The following PPFIA2 variants were observed in gnomAD, a reference collection of about 807,000 sequenced individuals.
The protein encoded by PPFIA2 is liprin-alpha-2.
In PPFIA2, 46 loss-of-function variants were observed where a neutral mutation model predicts 175.5. That is an observed-to-expected ratio of 0.26 (90% CI 0.21 to 0.34). The LOEUF (loss-of-function observed/expected upper bound fraction) is 0.34, where lower values mean the gene tolerates loss of function less well. PPFIA2 is among the 10% of genes least tolerant of loss of function. PPFIA2 has a pLI of 1.00. For missense variants in PPFIA2, 1,179 were observed against 1,506.1 expected (o/e 0.78, Z 3.60); for synonymous variants, 568 against 511.4 (o/e 1.11, Z -1.49).
chr12:81,573,766 C>G (rs2073005511), intron 4 of PPFIA2, among the ~76,000 whole-genome samples: 1 of 151,890 alleles, frequency 6.6e-6, no homozygotes, highest in African/African-American at 2.4e-5. Context: ...TCCTGTAGAA[C>G]AGCAGTTAAT....
intron 4 of PPFIA2, among the ~76,000 whole-genome samples, chr12:81,557,908 T>C (rs1027866335): frequency 3.3e-5 from 5 of 152,102 alleles, no homozygotes; most frequent in African/African-American, 1.2e-4. Context: ...TCTAATACCA[T>C]CTGAGACTCA....
intron 4 of PPFIA2, among the ~76,000 whole-genome samples, chr12:81,541,573 T>A (rs1183439093): frequency 6.6e-5 from 10 of 152,064 alleles, no homozygotes; most frequent in Admixed American, 6.6e-4. Context: ...TCTCTTCTTT[T>A]GTTGAAAAAT....
intron 11 of PPFIA2, 36 bp from the exon 12 acceptor site, chr12:81,369,230 A>G: frequency 6.3e-7 from 1 of 1,592,336 alleles, no homozygotes; most frequent in Non-Finnish European, 8.6e-7. Context: ...CTGAAATGTA[A>G]GATTTGGTTA....
chr12:81,434,482 T>C, intron 7 of PPFIA2, among the ~76,000 whole-genome samples: 1 of 152,074 alleles, frequency 6.6e-6, no homozygotes, highest in East Asian at 1.9e-4. Flanking sequence ...ATTGTAATTT[T>C]AATACATATG....
At chr12:81,334,234 C>G (rs2056689037) in intron 21 of PPFIA2, among the ~76,000 whole-genome samples, 1 of 152,150 alleles carries the variant, frequency 6.6e-6, no homozygotes, top group African/African-American at 2.4e-5. Context: ...TCTGACAGGA[C>G]AGACAATGTA....
Position 81,263,363 on chromosome 12 carries a change from A to T in PPFIA2, c.3583T>A (p.Ser1195Thr). 1 of 1,613,478 alleles carries T rather than the reference A, an allele frequency of 6.2e-7. No homozygotes were observed. The highest frequency in any genetic ancestry group is 1.1e-5 in the South Asian group (1 of 91,046). The stretch of plus-strand genomic sequence containing the variant: ...GGAGGAAACTGCCTTCTCCAGGTTG[A>T]TCCACGTCTGAAGTTCTTGTCATCA... The part of the protein sequence containing the change: ...ESDDKNFRRG[S>T]TWRRQFPPRE... Residue 1195 changes from serine (S) to threonine (T), a missense_variant, in exon 31 of 33, where the codon TCA (serine) becomes ACA (threonine). By Grantham distance (58) the Ser-to-Thr change is moderately conservative (BLOSUM62 1). Coordinates refer to ENST00000549396, the MANE Select transcript of PPFIA2 (RefSeq NM_003625.5).
intron 7 of PPFIA2, among the ~76,000 whole-genome samples, chr12:81,434,330 A>G (rs1189230937): frequency 6.6e-6 from 1 of 152,156 alleles, no homozygotes; most frequent in Non-Finnish European, 1.5e-5. Context: ...AGATGAGAAC[A>G]TATTACAAAA....
chr12:81,679,609 T>C (rs1040346209), intron 3 of PPFIA2, among the ~76,000 whole-genome samples: 4 of 151,978 alleles, frequency 2.6e-5, no homozygotes, highest in African/African-American at 7.2e-5. Flanking sequence ...TTTTAACACA[T>C]TGAATTCAAA....
chr12:81,263,398 T>C lies in PPFIA2; in HGVS notation c.3556-8A>G. On this transcript the variant is annotated splice_polypyrimidine_tract_variant and splice_region_variant and intron_variant, in intron 30 of 32. Coordinates refer to ENST00000549396, the MANE Select transcript of PPFIA2 (RefSeq NM_003625.5). ...GAAGTTCTTGTCATCACTCTGCCAG[T>C]ACAGTTATAAGGTGATGTTATGAAA... The C allele has an allele frequency of 6.2e-7, 1 of 1,611,358 alleles. No homozygotes were observed. The highest frequency in any genetic ancestry group is 8.5e-7 in the Non-Finnish European group (1 of 1,177,638).
In PPFIA2 at chr12:81,675,144, G is replaced by GA. The variant is rs201846437; in HGVS notation, c.303+1646dup. The stretch of plus-strand genomic sequence containing the variant: ...CACAATATTATAAGTTGTTTTAAAA[G>GA]AAAAAAATCTATCTATCTAAGTATA... On this transcript the variant is annotated intron_variant, in intron 4 of 32. Transcript: ENST00000549396. Among the ~76,000 whole-genome samples, 939 of 134,710 alleles carry GA rather than the reference G, an allele frequency of 7.0e-3. 32 individuals carry two copies. The East Asian group carries it at 0.091, about 13-fold the overall frequency. The allele number at this position is 134,710 out of a possible 152,430, so 88.4% of individuals were successfully genotyped here. A position where few individuals can be genotyped will look rare whatever the true frequency, so the allele number is the denominator to read the frequency against.
chr12:81,325,659 G>A lies in PPFIA2; in HGVS notation c.2642+118C>T, dbSNP rs181670408. 9 of 679,978 alleles carry A rather than the reference G, an allele frequency of 1.3e-5. No individual in the cohort carries two copies. The East Asian group carries it at 2.5e-4, about 19-fold the overall frequency. The allele number at this position is 679,978 out of a possible 1,614,324, so 42.1% of individuals were successfully genotyped here. A position where few individuals can be genotyped will look rare whatever the true frequency, so the allele number is the denominator to read the frequency against. On this transcript the variant is annotated intron_variant, in intron 22 of 32. Coordinates refer to ENST00000549396, the MANE Select transcript of PPFIA2 (RefSeq NM_003625.5). Reference sequence around the variant, plus strand: ...CCCTGAGTGTTTTAGGTAGTATCTGGAAAATATTGGCTTCAATATAGTTCT... The same window carrying A: ...CCCTGAGTGTTTTAGGTAGTATCTGAAAAATATTGGCTTCAATATAGTTCT...
intron 4 of PPFIA2, among the ~76,000 whole-genome samples, chr12:81,519,094 T>A (rs74106621): frequency 0.036 from 5,409 of 152,250 alleles, 340 homozygotes; most frequent in African/African-American, 0.12. Flanking sequence ...TTTCTTCCCT[T>A]TTTAAAAACT....
chr12:81,372,346 T>C (rs1006090052), intron 11 of PPFIA2, among the ~76,000 whole-genome samples: 2 of 151,202 alleles, frequency 1.3e-5, no homozygotes, highest in Non-Finnish European at 3.0e-5. Flanking sequence ...ATTGGTGAAA[T>C]AAAATGTCTG....
chr12:81,436,317 A>C (rs2049007201), intron 7 of PPFIA2, among the ~76,000 whole-genome samples: 1 of 139,980 alleles, frequency 7.1e-6, no homozygotes, highest in Non-Finnish European at 1.6e-5. Context: ...AAAAAAAAAA[A>C]AAAAAAAAAA....
At chr12:81,553,478 C>T (rs2068295091) in intron 4 of PPFIA2, among the ~76,000 whole-genome samples, 1 of 152,042 alleles carries the variant, frequency 6.6e-6, no homozygotes, top group Admixed American at 6.6e-5. Context: ...AGCACTTTAA[C>T]CCATAGCATG....
chr12:81,277,362 TTC>T lies in PPFIA2; in HGVS notation c.3263_3264del (p.Arg1088LysfsTer13). The T allele has an allele frequency of 6.3e-7, 1 of 1,575,318 alleles. No individual in the cohort carries two copies. Among genetic ancestry groups the T allele is most frequent in the Non-Finnish European group, 8.6e-7 (1 of 1,159,706 alleles). ...IMCLKRLNYD[R>X]KELERRREAS... is the part of the protein sequence containing the mutation. ...GCTTCCCGTCTTCTTTCTAGTTCTT[TTC>T]TGTCATAATTCAACCTCTTTAAGCA... On this transcript the variant is annotated frameshift_variant, in exon 28 of 33. Coordinates refer to ENST00000549396, the MANE Select transcript of PPFIA2 (RefSeq NM_003625.5). LOFTEE classifies it high-confidence loss of function.
intron 4 of PPFIA2, among the ~76,000 whole-genome samples, chr12:81,668,399 G>C (rs554708721): frequency 1.3e-5 from 2 of 152,098 alleles, no homozygotes; most frequent in East Asian, 3.9e-4. Flanking sequence ...ATTTACTGGA[G>C]AAGAAACAAA....
intron 4 of PPFIA2, among the ~76,000 whole-genome samples, chr12:81,553,149 T>G (rs577849118): frequency 6.6e-6 from 1 of 151,936 alleles, no homozygotes; most frequent in African/African-American, 2.4e-5. Context: ...AGAAGGTATC[T>G]TAGGCGAGCT....
intron 24 of PPFIA2, among the ~76,000 whole-genome samples, chr12:81,286,221 A>G (rs1473116057): frequency 6.6e-6 from 1 of 152,100 alleles, no homozygotes; most frequent in Non-Finnish European, 1.5e-5. Context: ...GTTAACAAAA[A>G]AAAAGATTTA....
Sources: gnomAD v4.1 joint callset for allele counts (sites outside exome capture counted in the v4.1 genomes callset) on GRCh38, gnomAD v4.1.1 for gene constraint, MANE v1.5 for transcripts, NCBI Gene and HGNC (gene_info 2026-07-23, HGNC 2026-07-21) for gene names.